Variants in CHCHD3 observed in about 807,000 individuals in gnomAD.
CHCHD3 encodes the protein MICOS complex subunit MIC19.
A neutral mutation model predicts 38.2 loss-of-function variants in CHCHD3; 20 were observed. The observed-to-expected ratio is 0.52, with a 90% CI of 0.37 to 0.76. The LOEUF is 0.76. Among genes scored for constraint, CHCHD3 ranks in the 30% least tolerant of loss-of-function variants. The pLI is 0.00. For synonymous variants in CHCHD3, 82 were observed against 100.0 expected (o/e 0.82, Z 1.07); for missense variants, 245 against 279.2 (o/e 0.88, Z 0.87).
At chr7:133,066,095 A>G (rs1814661505) in intron 2 of CHCHD3, among the ~76,000 whole-genome samples, 1 of 152,242 alleles carries the variant, frequency 6.6e-6, no homozygotes, top group Admixed American at 6.5e-5. Context: ...CAAAAGCCAC[A>G]TGCGGTTACT....
chr7:132,841,276 A>C (rs1340465452), intron 5 of CHCHD3, among the ~76,000 whole-genome samples: 1 of 152,198 alleles, frequency 6.6e-6, no homozygotes, highest in Non-Finnish European at 1.5e-5. Flanking sequence ...AGAAAAGAAC[A>C]ATTATTATCA....
At chr7:132,798,520 A>T (rs1446344132) in intron 6 of CHCHD3, among the ~76,000 whole-genome samples, 2 of 152,224 alleles carry the variant, frequency 1.3e-5, no homozygotes, top group Admixed American at 6.5e-5. Context: ...ATGATTAAGC[A>T]TCAGATCAGC....
chr7:132,981,183 G>A (rs189965706), intron 3 of CHCHD3, among the ~76,000 whole-genome samples: 90 of 151,464 alleles, frequency 5.9e-4, no homozygotes, highest in Admixed American at 7.2e-4. Context: ...TTGTGGAGAC[G>A]AGGTTTCAGC....
intron 5 of CHCHD3, among the ~76,000 whole-genome samples, chr7:132,850,451 T>G (rs200203934): frequency 0.025 from 789 of 31,450 alleles, 4 homozygotes; most frequent in African/African-American, 0.079. Context: ...TTTTTTTTTG[T>G]TTTTTTTTTT....
chr7:133,027,572 A>G (rs1307574512), intron 2 of CHCHD3, among the ~76,000 whole-genome samples: 3 of 152,114 alleles, frequency 2.0e-5, no homozygotes, highest in Non-Finnish European at 2.9e-5. Flanking sequence ...GAACTTTGGG[A>G]AAGGTATTAA....
chr7:132,852,670 C>T (rs1316413214), intron 5 of CHCHD3, among the ~76,000 whole-genome samples: 8 of 152,068 alleles, frequency 5.3e-5, no homozygotes. Flanking sequence ...GACTCATAAC[C>T]AACAGGTGGG....
intron 4 of CHCHD3, among the ~76,000 whole-genome samples, chr7:132,895,676 C>A (rs1809477158): frequency 6.6e-6 from 1 of 152,228 alleles, no homozygotes; most frequent in African/African-American, 2.4e-5. Context: ...AAGGGGAATT[C>A]CTCTGCACAA....
intron 4 of CHCHD3, among the ~76,000 whole-genome samples, chr7:132,955,809 C>T (rs1022657246): frequency 5.3e-5 from 8 of 151,864 alleles, no homozygotes; most frequent in East Asian, 1.9e-4. Flanking sequence ...GGGGGATCAG[C>T]GAATAGAAAA....
chr7:132,796,727 A>C, intron 6 of CHCHD3, 150 bp from the exon 7 acceptor site: 1 of 679,906 alleles, frequency 1.5e-6, no homozygotes, highest in Non-Finnish European at 2.4e-6. Flanking sequence ...AACTTCAAAG[A>C]TAGCTAAATT....
At chr7:133,009,464 G>C (rs1812800542) in intron 3 of CHCHD3, among the ~76,000 whole-genome samples, 1 of 150,750 alleles carries the variant, frequency 6.6e-6, no homozygotes, top group Non-Finnish European at 1.5e-5. Flanking sequence ...TGCCTGGAGA[G>C]AGCCCTGATT....
chr7:132,975,921 C>G (rs538434769), intron 3 of CHCHD3, among the ~76,000 whole-genome samples: 3 of 102,232 alleles, frequency 2.9e-5, no homozygotes, highest in Non-Finnish European at 6.2e-5. Flanking sequence ...AATGAGACTC[C>G]GTTTAAAAAA....
chr7:132,953,008 T>A lies in CHCHD3; in HGVS notation c.369+22161A>T, dbSNP rs542491153. 3.7e-4 allele frequency among the ~76,000 whole-genome samples: 57 copies of A among 152,334 alleles called. No homozygotes were observed. The East Asian group carries it at 4.8e-3, about 13-fold the overall frequency. On this transcript the variant is annotated intron_variant, in intron 4 of 7. Transcript: ENST00000262570. ...ATATTATATTCAATACCTCACTTCA[T>A]TATGCCAATAGCTGCCTACTCTGGC...
At chr7:132,870,368 A>G (rs545791813) in intron 5 of CHCHD3, among the ~76,000 whole-genome samples, 3 of 151,840 alleles carry the variant, frequency 2.0e-5, no homozygotes, top group African/African-American at 7.2e-5. Flanking sequence ...AAAAAAAAAA[A>G]AAGATAAATA....
intron 5 of CHCHD3, among the ~76,000 whole-genome samples, chr7:132,860,165 C>G (rs927284962): frequency 4.6e-5 from 7 of 151,922 alleles, no homozygotes; most frequent in African/African-American, 1.7e-4. Context: ...CCCAGCTACT[C>G]TGGAGGCTGA....
At chr7:132,787,118 C>T (rs1297652835) in intron 7 of CHCHD3, among the ~76,000 whole-genome samples, 1 of 152,106 alleles carries the variant, frequency 6.6e-6, no homozygotes, top group Non-Finnish European at 1.5e-5. Context: ...AAGCCTAGCA[C>T]ACACAGAATC....
chr7:133,053,639 G>C (rs1462968980), intron 2 of CHCHD3, among the ~76,000 whole-genome samples: 1 of 152,136 alleles, frequency 6.6e-6, no homozygotes, highest in Non-Finnish European at 1.5e-5. Flanking sequence ...CTCCCAAGAC[G>C]TTAATCTGAA....
chr7:132,829,259 C>A lies in CHCHD3; in HGVS notation c.524+9140G>T, dbSNP rs190863278. ...TAAACAAATTCCAAAATATCATGTA[C>A]CCTAGAACTCAGAATGATCTCATTT... is the stretch of plus-strand genomic sequence containing the variant. On this transcript the variant is annotated intron_variant, in intron 6 of 7. Transcript: ENST00000262570. Among the ~76,000 whole-genome samples, 317 of 152,158 alleles carry A rather than the reference C, an allele frequency of 2.1e-3. 1 individual carries two copies. The highest frequency in any genetic ancestry group is 5.1e-3 in the Admixed American group (78 of 15,260).
intron 7 of CHCHD3, among the ~76,000 whole-genome samples, chr7:132,790,781 A>C (rs1036549341): frequency 1.3e-5 from 2 of 152,168 alleles, no homozygotes; most frequent in Admixed American, 6.5e-5. Context: ...CGGGGAGAGA[A>C]GCAGGGTGAC....
intron 6 of CHCHD3, among the ~76,000 whole-genome samples, chr7:132,835,775 A>T (rs986543964): frequency 6.6e-6 from 1 of 152,250 alleles, no homozygotes; most frequent in African/African-American, 2.4e-5. Context: ...TCAGTACCTC[A>T]GAATGTGACT....
Sources: allele counts gnomAD v4.1 joint callset (sites outside exome capture counted in the v4.1 genomes callset), GRCh38; gene constraint gnomAD v4.1.1; transcripts MANE v1.5; gene names NCBI Gene and HGNC (gene_info 2026-07-23, HGNC 2026-07-21).